Variants in NRG1 observed in about 807,000 individuals in gnomAD.
The protein encoded by NRG1 is pro-neuregulin-1, membrane-bound isoform.
NRG1 carries 18 observed loss-of-function variants against 63.8 expected under a neutral mutation model. The ratio of observed to expected loss-of-function variants is 0.28; its 90% CI spans 0.19 to 0.42. The LOEUF is 0.42. Among genes scored for constraint, NRG1 ranks in the 10% least tolerant of loss-of-function variants. The pLI is 1.00. For missense variants in NRG1, 762 were observed against 814.7 expected (o/e 0.94, Z 0.79); for synonymous variants, 302 against 301.3 (o/e 1.00, Z -0.02).
At chr8:32,636,550 T>G (rs990768038) in intron 5 of NRG1, among the ~76,000 whole-genome samples, 1 of 152,206 alleles carries the variant, frequency 6.6e-6, no homozygotes, top group East Asian at 1.9e-4. Flanking sequence ...AGGATTCTAC[T>G]GATTTCAACA....
intron 1 of NRG1, among the ~76,000 whole-genome samples, chr8:31,708,071 T>C (rs1811327008): frequency 6.6e-6 from 1 of 152,172 alleles, no homozygotes; most frequent in African/African-American, 2.4e-5. Context: ...GTTAATGAAG[T>C]ATCCATCTGT....
chr8:32,424,459 A>G (rs780060386), intron 1 of NRG1, among the ~76,000 whole-genome samples: 21 of 152,288 alleles, frequency 1.4e-4, no homozygotes, highest in Non-Finnish European at 2.2e-4. Context: ...GGAATCAGGA[A>G]AATCTGGGAA....
chr8:32,394,381 G>A (rs1038087527), intron 1 of NRG1, among the ~76,000 whole-genome samples: 3 of 152,088 alleles, frequency 2.0e-5, no homozygotes, highest in Non-Finnish European at 2.9e-5. Context: ...CTACCACTTT[G>A]TATCACTTAA....
At chr8:32,546,534 CAG>C (rs1563613467), upstream of NRG1, among the ~76,000 whole-genome samples, 2 of 152,280 alleles carry the variant, frequency 1.3e-5, no homozygotes, top group Non-Finnish European at 2.9e-5. Context: ...CCTGGGAAAA[CAG>C]AGTTATTTCA....
At chr8:32,439,551 T>G (rs1333552944) in intron 1 of NRG1, among the ~76,000 whole-genome samples, 1 of 152,272 alleles carries the variant, frequency 6.6e-6, no homozygotes, top group Admixed American at 6.5e-5. Context: ...TCTCGACCTT[T>G]GCTCCCCAAA....
At chr8:32,296,362 G>A (rs1284974765) in intron 1 of NRG1, among the ~76,000 whole-genome samples, 1 of 152,112 alleles carries the variant, frequency 6.6e-6, no homozygotes, top group Non-Finnish European at 1.5e-5. Flanking sequence ...GGCTGAGAGG[G>A]GTGGATCACC....
In NRG1 at chr8:32,764,259, C is replaced by A; in HGVS notation, c.1771C>A (p.Pro591Thr). The change falls in exon 12 of 12, where the codon CCC (proline) becomes ACC (threonine). Residue 591 changes from proline (P) to threonine (T), a missense_variant. By Grantham distance (38) the Pro-to-Thr change is conservative. Transcript: ENST00000356819. The stretch of plus-strand genomic sequence containing the variant: ...TACGCCTTTCCTGGGCATACAGAAC[C>A]CCCTGGCAGCCAGTCTTGAGGCAAC... 4 of 1,614,124 alleles carry A rather than the reference C, an allele frequency of 2.5e-6. 1 individual carries two copies. The Middle Eastern group carries it at 6.6e-4, about 266-fold the overall frequency.
chr8:32,319,737 T>C (rs1295279896), intron 1 of NRG1, among the ~76,000 whole-genome samples: 3 of 152,074 alleles, frequency 2.0e-5, no homozygotes, highest in African/African-American at 7.2e-5. Flanking sequence ...ATAACATAAA[T>C]TAGGCTTAAG....
At chr8:31,857,991 C>T (rs1482067935) in intron 1 of NRG1, among the ~76,000 whole-genome samples, 1 of 152,100 alleles carries the variant, frequency 6.6e-6, no homozygotes, top group Non-Finnish European at 1.5e-5. Flanking sequence ...AATCTTGAAG[C>T]TTATCCTCTT....
At chr8:32,685,839 A>G (rs1382044702) in intron 5 of NRG1, among the ~76,000 whole-genome samples, 1 of 152,216 alleles carries the variant, frequency 6.6e-6, no homozygotes, top group Non-Finnish European at 1.5e-5. Context: ...CTAGGGAATG[A>G]TCCCACAGAA....
intron 1 of NRG1, among the ~76,000 whole-genome samples, chr8:31,683,639 C>T (rs1367371215): frequency 6.6e-6 from 1 of 152,044 alleles, no homozygotes; most frequent in Non-Finnish European, 1.5e-5. Flanking sequence ...ATACATTTGT[C>T]AACACCTATA....
chr8:31,872,277 C>G (rs1169374808), intron 1 of NRG1, among the ~76,000 whole-genome samples: 2 of 152,176 alleles, frequency 1.3e-5, no homozygotes, highest in African/African-American at 4.8e-5. Context: ...AGAGGGGACT[C>G]TTTCTGACAG....
At chr8:32,557,331 G>A (rs533982450) in intron 1 of NRG1, among the ~76,000 whole-genome samples, 1 of 152,256 alleles carries the variant, frequency 6.6e-6, no homozygotes, top group South Asian at 2.1e-4. Context: ...TTGTGTGTAC[G>A]TATCAAATCT....
At chr8:31,857,966 C>A (rs1023018212) in intron 1 of NRG1, among the ~76,000 whole-genome samples, 1 of 152,120 alleles carries the variant, frequency 6.6e-6, no homozygotes, top group Non-Finnish European at 1.5e-5. Flanking sequence ...AAGTTGACAA[C>A]AACCAGTTGA....
chr8:32,664,397 A>G (rs1339397024), intron 5 of NRG1, among the ~76,000 whole-genome samples: 1 of 152,078 alleles, frequency 6.6e-6, no homozygotes, highest in African/African-American at 2.4e-5. Flanking sequence ...TGAGAGTAAC[A>G]TATGATTCTG....
intron 1 of NRG1, among the ~76,000 whole-genome samples, chr8:31,946,911 A>G (rs933979325): frequency 4.6e-5 from 7 of 152,378 alleles, no homozygotes; most frequent in Middle Eastern, 3.4e-3. Context: ...CCTCCATGCC[A>G]TATTGTTTCT....
At chr8:32,672,388 T>C (rs958850915) in intron 5 of NRG1, among the ~76,000 whole-genome samples, 20 of 152,164 alleles carry the variant, frequency 1.3e-4, no homozygotes, top group African/African-American at 4.3e-4. Flanking sequence ...TTATTCACTA[T>C]TGCTGACATC....
At position 31,959,686 on chromosome 8, in the gene NRG1, T is replaced by C. The variant is rs1054245027; in HGVS notation, c.37+320255T>C. The stretch of plus-strand genomic sequence containing the variant: ...GCATTTTGAAATATTAAGCATAGCC[T>C]GCTGGCCCCAAATGACATTTTTTTT... On this transcript the variant is annotated intron_variant, in intron 1 of 10. Coordinates refer to the NRG1 transcript ENST00000519301. 2.0e-5 allele frequency among the ~76,000 whole-genome samples: 3 copies of C among 152,248 alleles called. No individual in the cohort carries two copies. In the East Asian group the frequency reaches 5.8e-4, roughly 29 times the overall value.
intron 1 of NRG1, among the ~76,000 whole-genome samples, chr8:32,283,873 A>G (rs1853186241): frequency 6.6e-6 from 1 of 152,130 alleles, no homozygotes; most frequent in Non-Finnish European, 1.5e-5. Context: ...AGGGTTTCCC[A>G]TTGGATGCTT....
Sources: allele counts gnomAD v4.1 joint callset (sites outside exome capture counted in the v4.1 genomes callset), GRCh38; gene constraint gnomAD v4.1.1; transcripts MANE v1.5; gene names NCBI Gene and HGNC (gene_info 2026-07-23, HGNC 2026-07-21).